Variants in HEMK2 observed in about 807,000 individuals in gnomAD.
The protein encoded by HEMK2 is HemK methyltransferase 2, ETF1 glutamine and histone H4 lysine, also known as methyltransferase HEMK2.
the HEMK2 span, among the ~76,000 whole-genome samples, chr21:28,673,260 A>G: frequency 6.6e-6 from 1 of 152,152 alleles, no homozygotes; most frequent in Non-Finnish European, 1.5e-5. Flanking sequence ...AATGCATGAT[A>G]GTGTTTTAGC....
chr21:28,603,572 T>C, the HEMK2 span, among the ~76,000 whole-genome samples: 1 of 151,092 alleles, frequency 6.6e-6, no homozygotes, highest in African/African-American at 2.4e-5. Context: ...TGTGTGTGTG[T>C]GTGTGTGTGT....
the HEMK2 span, chr21:28,872,185 C>T: frequency 2.6e-5 from 4 of 152,134 alleles, no homozygotes; most frequent in African/African-American, 9.7e-5. Flanking sequence ...CGCGTACACA[C>T]TGAAAGGCGA....
At chr21:28,883,025 C>A in the HEMK2 span, 209,988 of 1,602,084 alleles carry the variant, frequency 0.13, 14,630 homozygotes, top group South Asian at 0.17. Flanking sequence ...GCTAGGAATG[C>A]AGATACTACA....
the HEMK2 span, among the ~76,000 whole-genome samples, chr21:28,866,148 G>GC: frequency 1.1e-4 from 2 of 17,486 alleles, no homozygotes; most frequent in Non-Finnish European, 3.2e-4. Context: ...TGTCTCTACA[G>GC]AAAAAACAAA....
chr21:28,702,644 A>T, the HEMK2 span, among the ~76,000 whole-genome samples: 1 of 152,170 alleles, frequency 6.6e-6, no homozygotes, highest in Non-Finnish European at 1.5e-5. Flanking sequence ...ACTATTATCA[A>T]AAAGTCAATA....
chr21:28,659,874 A>C, the HEMK2 span, among the ~76,000 whole-genome samples: 3 of 152,100 alleles, frequency 2.0e-5, no homozygotes, highest in Admixed American at 6.6e-5. Context: ...GCAAGCACAT[A>C]AAAAAGTGCT....
chr21:28,873,279 T>A, the HEMK2 span: 2 of 152,184 alleles, frequency 1.3e-5, no homozygotes, highest in African/African-American at 4.8e-5. Context: ...ATTAACAATA[T>A]TTAAACACTA....
the HEMK2 span, among the ~76,000 whole-genome samples, chr21:28,696,275 C>T: frequency 2.0e-5 from 3 of 152,190 alleles, no homozygotes; most frequent in African/African-American, 7.2e-5. Context: ...GGGACACAGC[C>T]AAACCACAAC....
chr21:28,872,826 T>G, the HEMK2 span: 1 of 152,210 alleles, frequency 6.6e-6, no homozygotes, highest in Non-Finnish European at 1.5e-5. Flanking sequence ...TGCCTTTTAT[T>G]TTATTTACGC....
chr21:28,656,296 G>C, the HEMK2 span, among the ~76,000 whole-genome samples: 27,757 of 151,928 alleles, frequency 0.18, 2,754 homozygotes, highest in East Asian at 0.38. Flanking sequence ...ACGGTCTGGG[G>C]AAGTCCAAAA....
chr21:28,786,377 T>C, the HEMK2 span, among the ~76,000 whole-genome samples: 1 of 152,194 alleles, frequency 6.6e-6, no homozygotes, highest in Admixed American at 6.5e-5. Context: ...CATTAAGGAA[T>C]TGTAATTCTT....
At chr21:28,595,435 T>G in the HEMK2 span, among the ~76,000 whole-genome samples, 2 of 152,180 alleles carry the variant, frequency 1.3e-5, no homozygotes, top group Non-Finnish European at 2.9e-5. Flanking sequence ...CATGTGATGG[T>G]TGTCTTTCTG....
chr21:28,793,590 G>A, the HEMK2 span, among the ~76,000 whole-genome samples: 2 of 152,166 alleles, frequency 1.3e-5, no homozygotes, highest in South Asian at 2.1e-4. Context: ...AAACCTTAGA[G>A]GATGCTGTGA....
chr21:28,852,861 T>C, the HEMK2 span, among the ~76,000 whole-genome samples: 1 of 152,188 alleles, frequency 6.6e-6, no homozygotes, highest in Non-Finnish European at 1.5e-5. Context: ...ATGTCAGAGC[T>C]CAACATAAGT....
chr21:28,872,248 C>T, the HEMK2 span: 1 of 152,160 alleles, frequency 6.6e-6, no homozygotes, highest in Non-Finnish European at 1.5e-5. Context: ...AAGAGGGGTC[C>T]TTCATGCAGG....
At chr21:28,877,322 AAG>A in the HEMK2 span, among the ~76,000 whole-genome samples, 1 of 127,626 alleles carries the variant, frequency 7.8e-6, no homozygotes, top group Admixed American at 7.8e-5. Context: ...GAGAGAAAGA[AAG>A]AAAAAGAAAG....
chr21:28,819,544 C>CTTT, the HEMK2 span, among the ~76,000 whole-genome samples: 128 of 111,866 alleles, frequency 1.1e-3, 1 homozygote, highest in East Asian at 2.1e-3. Flanking sequence ...TTTTCTTTTC[C>CTTT]TTTTTTTTTT....
At chr21:28,658,515 T>C in the HEMK2 span, among the ~76,000 whole-genome samples, 12 of 152,060 alleles carry the variant, frequency 7.9e-5, no homozygotes, top group South Asian at 2.1e-4. Context: ...GCCTGTGCAA[T>C]TGCCATGTTG....
chr21:28,817,068 G>A, the HEMK2 span, among the ~76,000 whole-genome samples: 1 of 152,180 alleles, frequency 6.6e-6, no homozygotes, highest in Admixed American at 6.5e-5. Flanking sequence ...AACACTTCCA[G>A]TTGGGCAGGG....
Sources: allele counts gnomAD v4.1 joint callset (sites outside exome capture counted in the v4.1 genomes callset), GRCh38; gene constraint gnomAD v4.1.1; transcripts MANE v1.5; gene names NCBI Gene and HGNC (gene_info 2026-07-23, HGNC 2026-07-21).